Variants in CDH4 observed in about 807,000 individuals in gnomAD.
CDH4 encodes cadherin 4.
Under a neutral mutation model 86.0 loss-of-function variants are expected in CDH4, and 33 were observed. That is an observed-to-expected ratio of 0.38 (90% CI 0.29 to 0.51). The LOEUF is 0.51. Among genes scored for constraint, CDH4 ranks in the 20% least tolerant of loss-of-function variants. CDH4 has a pLI of 0.86. For synonymous variants in CDH4, 555 were observed against 549.4 expected (o/e 1.01, Z -0.14); for missense variants, 1,114 against 1,307.4 (o/e 0.85, Z 2.28).
Position 61,254,807 on chromosome 20 carries a change from C to T in CDH4, c.58-19C>T. On this transcript the variant is annotated intron_variant, in intron 1 of 15. Transcript: ENST00000614565. The stretch of plus-strand genomic sequence containing the variant: ...TTCTGTGAACTTATTGTTTTACACT[C>T]TCCCCTTTGTGTTCTCAGGCCCATA... 2 of 1,378,760 alleles carry T rather than the reference C, an allele frequency of 1.5e-6. No homozygotes were observed. Among genetic ancestry groups the T allele is most frequent in the Non-Finnish European group, 1.0e-6 (1 of 965,454 alleles). 85.4% of individuals were successfully genotyped at this position (1,378,760 alleles called of 1,614,324 possible). A position where few individuals can be genotyped will look rare whatever the true frequency, so the allele number is the denominator to read the frequency against.
rs117866871 is a variant in CDH4, at chr20:61,800,389, G to A, written c.576+27207G>A. On this transcript the variant is annotated intron_variant, in intron 4 of 15. Transcript: ENST00000614565. ...AGACTACGCCAAGAGTCCCATGCCC[G>A]CCGCAGGGCTGACCCAGCTTCAGGG... is the stretch of plus-strand genomic sequence containing the variant. 2.4e-3 allele frequency among the ~76,000 whole-genome samples: 366 copies of A among 152,296 alleles called. 17 individuals are homozygous for A. The East Asian group carries it at 0.057, about 24-fold the overall frequency.
In CDH4 at chr20:61,763,994, G is replaced by A. The variant is rs1027017061; in HGVS notation, c.397-9009G>A. ...GTCAGTTTTGCATTCTTTGTCTCTCGCTTGCGAGTGATGAGGGGAGGGAAA... is the reference window on the plus strand; with the variant it reads ...GTCAGTTTTGCATTCTTTGTCTCTCACTTGCGAGTGATGAGGGGAGGGAAA... On this transcript the variant is annotated intron_variant, in intron 3 of 15. Transcript: ENST00000614565. Among the ~76,000 whole-genome samples, 11 of 152,196 alleles carry A rather than the reference G, an allele frequency of 7.2e-5. No individual in the cohort carries two copies. The South Asian group carries it at 1.2e-3, about 17-fold the overall frequency.
At chr20:61,790,170 G>GTCATCCAT (rs995196071) in intron 4 of CDH4, among the ~76,000 whole-genome samples, 3 of 149,582 alleles carry the variant, frequency 2.0e-5, no homozygotes, top group Admixed American at 1.3e-4. Flanking sequence ...CTACCCATCC[G>GTCATCCAT]TCATCCATTC....
intron 2 of CDH4, among the ~76,000 whole-genome samples, chr20:61,368,942 G>T (rs2084824923): frequency 6.6e-6 from 1 of 152,184 alleles, no homozygotes; most frequent in Non-Finnish European, 1.5e-5. Context: ...CACTGAGAAG[G>T]ACGCAGCATC....
At chr20:61,731,318 G>T (rs549105467) in intron 2 of CDH4, among the ~76,000 whole-genome samples, 1 of 152,246 alleles carries the variant, frequency 6.6e-6, no homozygotes, top group African/African-American at 2.4e-5. Context: ...GCCCAGTCAG[G>T]TTCTGTGTTC....
At chr20:61,349,330 G>C (rs904443657) in intron 2 of CDH4, among the ~76,000 whole-genome samples, 3 of 152,244 alleles carry the variant, frequency 2.0e-5, no homozygotes, top group African/African-American at 7.2e-5. Context: ...CCCCAGCTCC[G>C]CAGCCGGGTG....
chr20:61,431,766 C>T (rs532216341), intron 2 of CDH4, among the ~76,000 whole-genome samples: 1 of 152,242 alleles, frequency 6.6e-6, no homozygotes, highest in Admixed American at 6.5e-5. Context: ...TCCATTCCTC[C>T]CAAAAGTTCA....
intron 2 of CDH4, among the ~76,000 whole-genome samples, chr20:61,716,929 A>G (rs2087962772): frequency 6.6e-6 from 1 of 152,128 alleles, no homozygotes; most frequent in South Asian, 2.1e-4. Flanking sequence ...TAAATAATAA[A>G]TAAAATCCAA....
At chr20:61,875,420 C>T (rs1983979884) in intron 7 of CDH4, among the ~76,000 whole-genome samples, 1 of 152,180 alleles carries the variant, frequency 6.6e-6, no homozygotes, top group Non-Finnish European at 1.5e-5. Context: ...CTCAGACCCG[C>T]ACAGCAGAGG....
chr20:61,763,979 C>T (rs916738975), intron 3 of CDH4, among the ~76,000 whole-genome samples: 1 of 152,176 alleles, frequency 6.6e-6, no homozygotes, highest in Non-Finnish European at 1.5e-5. Context: ...GTCAGTTTTG[C>T]ATTCTTTGTC....
chr20:61,882,043 TCCTC>T (rs1962602924), intron 7 of CDH4, among the ~76,000 whole-genome samples: 1 of 152,030 alleles, frequency 6.6e-6, no homozygotes, highest in African/African-American at 2.4e-5. Context: ...GCAGGACAGG[TCCTC>T]CCTCAAGCCC....
intron 2 of CDH4, among the ~76,000 whole-genome samples, chr20:61,461,481 G>A (rs1056358907): frequency 6.6e-6 from 1 of 152,194 alleles, no homozygotes; most frequent in African/African-American, 2.4e-5. Flanking sequence ...CTGGAAGGAA[G>A]AGACTGAGGG....
In CDH4 at chr20:61,516,384, C is replaced by T. The variant is rs6089407; in HGVS notation, c.170-227179C>T. Among the ~76,000 whole-genome samples the T allele has an allele frequency of 0.05, 7,583 of 152,228 alleles. 207 individuals carry two copies. The highest frequency in any genetic ancestry group is 0.071 in the African/African-American group (2,942 of 41,550). On this transcript the variant is annotated intron_variant, in intron 2 of 15. Coordinates refer to ENST00000614565, the MANE Select transcript of CDH4 (RefSeq NM_001794.5). The surrounding 1 kb of genome is among the most constrained non-coding windows in gnomAD (Gnocchi z 4.0). ...TGTCACACACATACAGAGCCCCCGTCGGACGCTGCATGAGCTCATGTGCAT... is the reference window on the plus strand; with the variant it reads ...TGTCACACACATACAGAGCCCCCGTTGGACGCTGCATGAGCTCATGTGCAT...
chr20:61,284,257 T>C (rs1407056906), intron 2 of CDH4, among the ~76,000 whole-genome samples: 5 of 151,902 alleles, frequency 3.3e-5, no homozygotes, highest in Non-Finnish European at 7.4e-5. Flanking sequence ...TAGCTTGCAG[T>C]GAGCTGAGAT....
chr20:61,550,622 A>G (rs2086122644), intron 2 of CDH4, among the ~76,000 whole-genome samples: 1 of 151,090 alleles, frequency 6.6e-6, no homozygotes, highest in Non-Finnish European at 1.5e-5. Flanking sequence ...CTGATAGTTC[A>G]TATCCTGCAG....
chr20:61,777,941 A>C (rs1365113397), intron 4 of CDH4, among the ~76,000 whole-genome samples: 1 of 150,578 alleles, frequency 6.6e-6, no homozygotes, highest in African/African-American at 2.5e-5. Context: ...CGTGCATACT[A>C]TACACACATG....
chr20:61,534,661 C>CTTTTTTTTTTTTTTTTTTTTTTTTTTTT (rs2085981647), intron 2 of CDH4, among the ~76,000 whole-genome samples: 2 of 89,304 alleles, frequency 2.2e-5, no homozygotes, highest in African/African-American at 1.5e-4. Context: ...TTCTTTCTTT[C>CTTTTTTTTTTTTTTTTTTTTTTTTTTTT]TTTCTTTTTT....
intron 5 of CDH4, among the ~76,000 whole-genome samples, chr20:61,845,561 C>T (rs1982411787): frequency 6.6e-6 from 1 of 152,330 alleles, no homozygotes; most frequent in South Asian, 2.1e-4. Flanking sequence ...TCGCCAGCAG[C>T]GCAGAACAGG....
intron 4 of CDH4, 41 bp from the exon 5 acceptor site, chr20:61,844,627 A>C (rs768782867): frequency 2.5e-6 from 4 of 1,576,618 alleles, no homozygotes; most frequent in Non-Finnish European, 3.5e-6. Flanking sequence ...GCCTCTCCTC[A>C]CCACAGGATA....
Sources: gnomAD v4.1 joint callset for allele counts (sites outside exome capture counted in the v4.1 genomes callset) on GRCh38, gnomAD v4.1.1 for gene constraint, Gnocchi (gnomAD v3.1) non-coding constraint, MANE v1.5 for transcripts, NCBI Gene and HGNC (gene_info 2026-07-23, HGNC 2026-07-21) for gene names.